Variants in SLC25A32 observed in about 807,000 individuals in gnomAD.
The protein encoded by SLC25A32 is solute carrier family 25 member 32.
In SLC25A32, 32 loss-of-function variants were observed where a neutral mutation model predicts 39.0. The observed-to-expected ratio is 0.82, with a 90% CI of 0.62 to 1.10. The LOEUF (loss-of-function observed/expected upper bound fraction) is 1.10, where lower values mean the gene tolerates loss of function less well. Among genes scored for constraint, SLC25A32 ranks in the 50% least tolerant of loss-of-function variants. The probability of loss-of-function intolerance (pLI) is 0.00; values close to 1 mark genes in which losing one functional copy is unlikely to be tolerated. For synonymous variants in SLC25A32, 166 were observed against 152.4 expected (o/e 1.09, Z -0.66); for missense variants, 367 against 395.3 (o/e 0.93, Z 0.61).
chr8:103,402,809 T>A (rs1816246124), intron 4 of SLC25A32: 4 of 154,706 alleles, frequency 2.6e-5, no homozygotes, highest in African/African-American at 9.6e-5. Context: ...CTGTTAGAAC[T>A]GCTAATGTCT....
chr8:103,414,883 G>T lies in SLC25A32; in HGVS notation c.55C>A (p.Arg19Ser). 1.9e-6 allele frequency: 3 copies of T among 1,612,868 alleles called. No homozygotes were observed. The highest frequency in any genetic ancestry group is 2.5e-6 in the Non-Finnish European group (3 of 1,179,718). ...SGSSAWSTVF[R>S]HVRYENLIAG... Reference sequence around the variant, plus strand: ...ATCAGGTTCTCATACCGGACGTGGCGGAATACCGTGCTCCACGCCGACGAC... The same window carrying T: ...ATCAGGTTCTCATACCGGACGTGGCTGAATACCGTGCTCCACGCCGACGAC... Residue 19 changes from arginine to serine, a missense_variant, in exon 1 of 7, where the codon CGC becomes AGC. Transcript: ENST00000297578.
intron 1 of SLC25A32, 84 bp downstream of exon 1, chr8:103,414,700 T>C: frequency 3.2e-6 from 5 of 1,568,170 alleles, no homozygotes; most frequent in Non-Finnish European, 4.4e-6. Flanking sequence ...ACGCTCCTCC[T>C]CCCCCTAGAA....
At position 103,403,247 on chromosome 8, in the gene SLC25A32, TAAC is replaced by T; in HGVS notation, c.466_468del (p.Val156del). 6.2e-7 allele frequency: 1 copy of T among 1,613,084 alleles called. No homozygotes were observed. The highest frequency in any genetic ancestry group is 1.3e-5 in the African/African-American group (1 of 74,960). The stretch of plus-strand genomic sequence containing the variant: ...CCTTTATATTGTCGGTGTGGGGAGT[TAAC>T]AACAGCATCATACTGTAACATAAGG... On this transcript the variant is annotated inframe_deletion, in exon 4 of 7. Coordinates refer to ENST00000297578, the MANE Select transcript of SLC25A32 (RefSeq NM_030780.5).
chr8:103,401,901 AT>A (rs1250283893), intron 5 of SLC25A32, 39 bp downstream of exon 5: 1 of 1,534,050 alleles, frequency 6.5e-7, no homozygotes, highest in East Asian at 2.3e-5. Flanking sequence ...TTAAATACCC[AT>A]AAAAGGAAAT....
chr8:103,402,123 C>G, intron 4 of SLC25A32, 69 bp from the exon 5 acceptor site: 1 of 998,504 alleles, frequency 1.0e-6, no homozygotes, highest in Non-Finnish European at 1.5e-6. Context: ...AAGTAAAATA[C>G]TTTCTCTTCT....
chr8:103,407,608 C>T, intron 2 of SLC25A32, 26 bp downstream of exon 2: 1 of 1,485,400 alleles, frequency 6.7e-7, no homozygotes, highest in Non-Finnish European at 9.0e-7. Flanking sequence ...TAATTTAATA[C>T]TGTAAAATCT....
chr8:103,404,542 C>T (rs1019217467), intron 3 of SLC25A32, among the ~76,000 whole-genome samples: 1 of 151,892 alleles, frequency 6.6e-6, no homozygotes, highest in Non-Finnish European at 1.5e-5. Flanking sequence ...TTGCAGTGAG[C>T]CGAGATAGCG....
intron 3 of SLC25A32, among the ~76,000 whole-genome samples, chr8:103,404,139 A>T (rs1816276952): frequency 6.6e-6 from 1 of 152,238 alleles, no homozygotes; most frequent in Non-Finnish European, 1.5e-5. Context: ...AAACAAGGCT[A>T]CTAAATTGTA....
rs1563722052 is a variant in SLC25A32, at chr8:103,414,927, T to TGGCCCGTCATAGGCTCGG, written c.-8_10dup (p.Gly3_Gln4insProGluProMetThrGly). 1 of 1,606,184 alleles carries TGGCCCGTCATAGGCTCGG rather than the reference T, an allele frequency of 6.2e-7. No homozygotes were observed. The highest frequency in any genetic ancestry group is 1.1e-5 in the South Asian group (1 of 90,340). ...CGACGACCCGGACGCCGACTGGCCC[T>TGGCCCGTCATAGGCTCGG]GGCCCGTCATAGGCTCGGGGCCCGT... On this transcript the variant is annotated inframe_insertion, in exon 1 of 7. Transcript: ENST00000297578.
chr8:103,407,578 C>T (rs576198072), intron 2 of SLC25A32, 56 bp downstream of exon 2: 109 of 1,371,418 alleles, frequency 7.9e-5, no homozygotes, highest in Admixed American at 1.2e-4. Context: ...TAAAAATCAC[C>T]GAAAACAAAA....
chr8:103,401,618 A>C lies in SLC25A32; in HGVS notation c.710T>G (p.Phe237Cys). Residue 237 changes from phenylalanine (F) to cysteine (C), a missense_variant, in exon 6 of 7, where the codon TTT becomes TGT. Transcript: ENST00000297578. Reference protein sequence around the residue: ...YISVAALSKIFAVAATYPYQV... With the variant: ...YISVAALSKICAVAATYPYQV... The stretch of plus-strand genomic sequence containing the variant: ...ATATGGGTATGTTGCTGCGACAGCA[A>C]ATATTTTGGATAGTGCTGCAACAGA... 6.2e-7 allele frequency: 1 copy of C among 1,613,582 alleles called. No homozygotes were observed. The highest frequency in any genetic ancestry group is 8.5e-7 in the Non-Finnish European group (1 of 1,179,692).
intron 1 of SLC25A32, among the ~76,000 whole-genome samples, chr8:103,410,803 AG>A (rs1816448895): frequency 6.6e-6 from 1 of 152,244 alleles, no homozygotes. Context: ...GAGCCAAGAC[AG>A]GACACTAATT....
Position 103,399,516 on chromosome 8 carries a change from T to C in SLC25A32, c.*895A>G, listed in dbSNP as rs183922803. ...GTCAGATATTTCTCTGAGAAGTATA[T>C]AGTTTCTCAATTTTCGCTAGGTAGT... On this transcript the variant is annotated 3_prime_UTR_variant, in exon 7 of 7. Transcript: ENST00000297578. The C allele has an allele frequency of 6.6e-6, 1 of 152,346 alleles. No individual in the cohort carries two copies. Among genetic ancestry groups the C allele is most frequent in the Non-Finnish European group, 1.5e-5 (1 of 68,030 alleles). The allele number at this position is 152,346 out of a possible 1,614,324, so 9.4% of individuals were successfully genotyped here. A position where few individuals can be genotyped will look rare whatever the true frequency, so the allele number is the denominator to read the frequency against.
At chr8:103,414,509 A>G (rs1403786148) in intron 1 of SLC25A32, among the ~76,000 whole-genome samples, 1 of 152,216 alleles carries the variant, frequency 6.6e-6, no homozygotes, top group Non-Finnish European at 1.5e-5. Flanking sequence ...TTATTTTACA[A>G]ATCAGGCTTT....
At chr8:103,407,011 A>C (rs1460302796) in intron 2 of SLC25A32, among the ~76,000 whole-genome samples, 1 of 152,242 alleles carries the variant, frequency 6.6e-6, no homozygotes, top group Non-Finnish European at 1.5e-5. Flanking sequence ...TTTGGACAAC[A>C]GCTGCAGGCT....
chr8:103,413,747 T>G (rs1190693529), intron 1 of SLC25A32, among the ~76,000 whole-genome samples: 1 of 152,218 alleles, frequency 6.6e-6, no homozygotes, highest in Non-Finnish European at 1.5e-5. Flanking sequence ...GAACGGGTTC[T>G]TGCTTCCTCT....
chr8:103,410,986 A>G (rs571442053), intron 1 of SLC25A32, among the ~76,000 whole-genome samples: 5 of 152,268 alleles, frequency 3.3e-5, no homozygotes, highest in African/African-American at 9.6e-5. Flanking sequence ...CCTGTGCTCT[A>G]TATTGGTGTT....
chr8:103,412,763 C>CT (rs1269286786), intron 1 of SLC25A32, among the ~76,000 whole-genome samples: 4 of 152,162 alleles, frequency 2.6e-5, no homozygotes, highest in Middle Eastern at 3.2e-3. Flanking sequence ...CTGGACACCT[C>CT]TGAGTTCCAA....
At chr8:103,409,203 G>A (rs991631718) in intron 1 of SLC25A32, among the ~76,000 whole-genome samples, 11 of 151,950 alleles carry the variant, frequency 7.2e-5, no homozygotes, top group African/African-American at 2.7e-4. Flanking sequence ...AATCGGCAAC[G>A]GCATTCTACA....
Sources: allele counts gnomAD v4.1 joint callset (sites outside exome capture counted in the v4.1 genomes callset), GRCh38; gene constraint gnomAD v4.1.1; transcripts MANE v1.5; gene names NCBI Gene and HGNC (gene_info 2026-07-23, HGNC 2026-07-21).